The following PAM variants were observed in gnomAD, a reference collection of about 807,000 sequenced individuals.
PAM encodes peptidyl-glycine alpha-amidating monooxygenase.
A neutral mutation model predicts 122.1 loss-of-function variants in PAM; 72 were observed. The observed-to-expected ratio is 0.59, with a 90% CI of 0.49 to 0.72. The LOEUF is 0.72. PAM is among the 30% of genes least tolerant of loss of function. The pLI is 0.00. For synonymous variants in PAM, 389 were observed against 404.4 expected, an observed-to-expected ratio of 0.96 and a Z score of 0.46; for missense variants, 1,106 against 1,183.7, an observed-to-expected ratio of 0.93 and a Z score of 0.96.
At chr5:102,856,042 A>G (rs1468493373) in intron 1 of PAM, among the ~76,000 whole-genome samples, 19 of 152,186 alleles carry the variant, frequency 1.2e-4, no homozygotes, top group African/African-American at 4.1e-4. Flanking sequence ...GGTCTTTGAC[A>G]TTACTCGCAA....
Position 102,782,723 on chromosome 5 carries a change from C to CTGTGTGTG in PAM, c.-374+27376_-374+27377insGTGTGTGT, listed in dbSNP as rs1213041689. ...TCCATTTCTCTCTCTCTCTCTCTCTCTCTGTGTGTGTGTGTGTGTGTGTGT... is the reference window on the plus strand; with the variant it reads ...TCCATTTCTCTCTCTCTCTCTCTCTCTGTGTGTGTCTGTGTGTGTGTGTGTGTGTGTGT... On this transcript the variant is annotated intron_variant, in intron 1 of 25. Transcript: ENST00000438793. 2.5e-3 allele frequency among the ~76,000 whole-genome samples: 353 copies of CTGTGTGTG among 143,662 alleles called. 1 individual carries two copies. The highest frequency in any genetic ancestry group is 9.0e-3 in the African/African-American group (335 of 37,244). The allele number at this position is 143,662 out of a possible 152,430, so 94.2% of individuals were successfully genotyped here.
At chr5:103,015,993 A>G (rs888391383) in intron 21 of PAM, among the ~76,000 whole-genome samples, 9 of 152,200 alleles carry the variant, frequency 5.9e-5, no homozygotes, top group Non-Finnish European at 1.3e-4. Flanking sequence ...CTAAGAACAT[A>G]TTACGGTATA....
chr5:102,959,534 G>C (rs1761854389), intron 12 of PAM, among the ~76,000 whole-genome samples: 1 of 152,100 alleles, frequency 6.6e-6, no homozygotes, highest in African/African-American at 2.4e-5. Flanking sequence ...CAGTCTATGA[G>C]TTTTAGCAAA....
chr5:102,798,894 A>G (rs1764009856), intron 1 of PAM, among the ~76,000 whole-genome samples: 2 of 152,152 alleles, frequency 1.3e-5, no homozygotes, highest in Non-Finnish European at 2.9e-5. Flanking sequence ...GTGAGTTTTT[A>G]CTTCTCACTG....
intron 1 of PAM, among the ~76,000 whole-genome samples, chr5:102,848,510 A>C (rs1780528947): frequency 6.6e-6 from 1 of 152,202 alleles, no homozygotes; most frequent in African/African-American, 2.4e-5. Context: ...GACCAACTTG[A>C]TGCTCAGGCC....
At chr5:102,831,722 A>G (rs1384537923) in intron 1 of PAM, among the ~76,000 whole-genome samples, 2 of 152,172 alleles carry the variant, frequency 1.3e-5, no homozygotes, top group African/African-American at 2.4e-5. Context: ...TCTAACAATG[A>G]TGATTACTCT....
chr5:102,804,195 G>A (rs1418397826), intron 1 of PAM, among the ~76,000 whole-genome samples: 2 of 152,188 alleles, frequency 1.3e-5, no homozygotes, highest in South Asian at 2.1e-4. Flanking sequence ...ATGGGCTTAC[G>A]CTGAAACGGT....
chr5:103,019,973 C>A, intron 23 of PAM, 130 bp downstream of exon 23: 1 of 720,026 alleles, frequency 1.4e-6, no homozygotes, highest in South Asian at 1.5e-5. Flanking sequence ...GTGACTTCTG[C>A]TATGTACTGA....
rs1394300295 is a variant in PAM at position 102,925,054 on chromosome 5, C to T, written c.442+12C>T. 3 of 1,365,032 alleles carry T rather than the reference C, an allele frequency of 2.2e-6. No individual in the cohort carries two copies. The highest frequency in any genetic ancestry group is 3.1e-6 in the Non-Finnish European group (3 of 952,808). The allele number at this position is 1,365,032 out of a possible 1,614,324, so 84.6% of individuals were successfully genotyped here. On this transcript the variant is annotated intron_variant, in intron 6 of 25. Coordinates refer to ENST00000438793, the MANE Select transcript of PAM (RefSeq NM_001177306.2). Reference sequence around the variant, plus strand: ...CCGGCTCCCCAAAGGTATGTCAGAGCCTCTTGGGTGGTCTTATGTTCAGCT... The same window carrying T: ...CCGGCTCCCCAAAGGTATGTCAGAGTCTCTTGGGTGGTCTTATGTTCAGCT...
intron 15 of PAM, among the ~76,000 whole-genome samples, chr5:102,978,178 T>C (rs780750462): frequency 2.0e-5 from 3 of 152,112 alleles, no homozygotes; most frequent in Admixed American, 1.3e-4. Context: ...AGCAGCAAAA[T>C]TTGGCACTCT....
At chr5:102,856,968 A>G (rs1288420809) in intron 1 of PAM, among the ~76,000 whole-genome samples, 1 of 152,154 alleles carries the variant, frequency 6.6e-6, no homozygotes, top group Non-Finnish European at 1.5e-5. Context: ...AACAACAACA[A>G]AAAACAGCAA....
intron 1 of PAM, among the ~76,000 whole-genome samples, chr5:102,845,809 A>G (rs1385595782): frequency 6.6e-6 from 1 of 152,190 alleles, no homozygotes; most frequent in Non-Finnish European, 1.5e-5. Flanking sequence ...AAAACTTGAT[A>G]TGGCTTTATG....
At chr5:102,835,522 C>T (rs1776775475) in intron 1 of PAM, among the ~76,000 whole-genome samples, 2 of 151,902 alleles carry the variant, frequency 1.3e-5, no homozygotes, top group African/African-American at 2.4e-5. Context: ...GATTCACATA[C>T]CTAAAAATGA....
chr5:102,984,367 A>T (rs1450639989), intron 15 of PAM, among the ~76,000 whole-genome samples: 1 of 152,216 alleles, frequency 6.6e-6, no homozygotes, highest in Non-Finnish European at 1.5e-5. Flanking sequence ...AGACGCATAA[A>T]GACTGAAAGT....
chr5:102,903,265 CTG>C lies in PAM; in HGVS notation c.268+1857_268+1858del, dbSNP rs560812995. 1.5e-4 allele frequency among the ~76,000 whole-genome samples: 22 copies of C among 151,562 alleles called. 1 individual carries two copies. In the South Asian group the frequency reaches 4.4e-3, roughly 30 times the overall value. On this transcript the variant is annotated intron_variant, in intron 4 of 25. Coordinates refer to ENST00000438793, the MANE Select transcript of PAM (RefSeq NM_001177306.2). The stretch of plus-strand genomic sequence containing the variant: ...TATTCACAATGGGTTGTTTCATCTT[CTG>C]TGTGAGTCCTTTAATGAACTATGCC...
intron 1 of PAM, among the ~76,000 whole-genome samples, chr5:102,789,654 C>G (rs1378070221): frequency 6.6e-6 from 1 of 152,026 alleles, no homozygotes; most frequent in Admixed American, 6.6e-5. Flanking sequence ...TGTGGAGTTA[C>G]TATTTAATAG....
At chr5:102,882,640 T>C (rs1298328933) in intron 3 of PAM, among the ~76,000 whole-genome samples, 1 of 152,146 alleles carries the variant, frequency 6.6e-6, no homozygotes, top group African/African-American at 2.4e-5. Flanking sequence ...AATGTATAGA[T>C]TGTGAAGATT....
chr5:102,981,950 C>T (rs915430814), intron 15 of PAM, among the ~76,000 whole-genome samples: 7 of 152,260 alleles, frequency 4.6e-5, no homozygotes, highest in South Asian at 4.1e-4. Context: ...AAAAATACAG[C>T]ATTAATCATG....
At chr5:102,987,945 T>G (rs1772476707) in intron 15 of PAM, among the ~76,000 whole-genome samples, 1 of 152,194 alleles carries the variant, frequency 6.6e-6, no homozygotes, top group Non-Finnish European at 1.5e-5. Flanking sequence ...CCTCTGTGCT[T>G]TACTGCTGCT....
Sources: allele counts gnomAD v4.1 joint callset (sites outside exome capture counted in the v4.1 genomes callset), GRCh38; gene constraint gnomAD v4.1.1; transcripts MANE v1.5; gene names NCBI Gene and HGNC (gene_info 2026-07-23, HGNC 2026-07-21).